Variants in KANK1 observed in about 807,000 individuals in gnomAD.
KANK1 encodes KN motif and ankyrin repeat domain-containing protein 1.
A neutral mutation model predicts 106.2 loss-of-function variants in KANK1; 109 were observed. The ratio of observed to expected loss-of-function variants is 1.03; its 90% confidence interval spans 0.88 to 1.20. The LOEUF is 1.20. Ranked by LOEUF, KANK1 falls within the 50% of genes most tolerant of loss-of-function variation. The probability of loss-of-function intolerance (pLI) is 0.00; values close to 1 mark genes in which losing one functional copy is unlikely to be tolerated. For missense variants in KANK1, 2,399 were observed against 1,710.7 expected (o/e 1.40, Z -7.10); for synonymous variants, 873 against 652.2 (o/e 1.34, Z -5.16).
chr9:726,756 T>C (rs1830772197), intron 3 of KANK1, among the ~76,000 whole-genome samples: 1 of 150,874 alleles, frequency 6.6e-6, no homozygotes, highest in Admixed American at 6.6e-5. Context: ...GGTCACAAGT[T>C]CAAGACCAGC....
At chr9:630,461 G>A (rs982556006) in intron 1 of KANK1, among the ~76,000 whole-genome samples, 8 of 152,018 alleles carry the variant, frequency 5.3e-5, no homozygotes, top group African/African-American at 1.9e-4. Context: ...TGAGGCGGGA[G>A]AATGGCGTAA....
chr9:534,301 T>C (rs1318106235), intron 1 of KANK1, among the ~76,000 whole-genome samples: 2 of 152,236 alleles, frequency 1.3e-5, no homozygotes, highest in Non-Finnish European at 2.9e-5. Context: ...AACTTGTTCT[T>C]TTTTTGAAAG....
intron 1 of KANK1, among the ~76,000 whole-genome samples, chr9:668,684 A>G (rs2138473189): frequency 6.6e-6 from 1 of 152,216 alleles, no homozygotes; most frequent in Non-Finnish European, 1.5e-5. Context: ...AAAACATCTT[A>G]TAGATAAAAC....
Position 739,771 on chromosome 9 carries a change from G to C in KANK1, c.3554-1021G>C, listed in dbSNP as rs566717994. Among the ~76,000 whole-genome samples the C allele has an allele frequency of 7.4e-4, 113 of 152,056 alleles. 2 individuals are homozygous for C. The South Asian group carries it at 0.023, about 30-fold the overall frequency. On this transcript the variant is annotated intron_variant, in intron 8 of 11. Transcript: ENST00000382297. ...GTTTGGGTTAATCACTTATCTTAAT[G>C]GTTACTGCTCCCCCTTCTAGGCTGA...
At chr9:744,975 G>A in intron 11 of KANK1, 198 bp from the exon 12 acceptor site, 6 of 1,479,598 alleles carry the variant, frequency 4.1e-6, no homozygotes, top group South Asian at 2.8e-5. Context: ...GACTTCCCAG[G>A]ACAGCCGGAC....
intron 1 of KANK1, among the ~76,000 whole-genome samples, chr9:601,037 A>G (rs908683558): frequency 2.0e-5 from 3 of 151,734 alleles, no homozygotes; most frequent in African/African-American, 4.9e-5. Context: ...TAAAATGCCC[A>G]AAGAAAAGAA....
chr9:556,103 TG>T (rs1563763103), intron 1 of KANK1, among the ~76,000 whole-genome samples: 1 of 152,158 alleles, frequency 6.6e-6, no homozygotes, highest in African/African-American at 2.4e-5. Context: ...GGCTCTACCT[TG>T]GGGGGAAAAT....
At chr9:717,317 G>T (rs189314009) in intron 3 of KANK1, among the ~76,000 whole-genome samples, 1 of 152,172 alleles carries the variant, frequency 6.6e-6, no homozygotes, top group Non-Finnish European at 1.5e-5. Context: ...GAAATTAAAA[G>T]TTCAGAAGAG....
At chr9:582,330 T>A (rs568557563) in intron 1 of KANK1, among the ~76,000 whole-genome samples, 1 of 152,346 alleles carries the variant, frequency 6.6e-6, no homozygotes, top group African/African-American at 2.4e-5. Context: ...AAAACCCATT[T>A]GGAAACCTGT....
chr9:596,159 G>C (rs936788848), intron 1 of KANK1, among the ~76,000 whole-genome samples: 1 of 151,880 alleles, frequency 6.6e-6, no homozygotes, highest in African/African-American at 2.4e-5. Context: ...ATGAGGTCAG[G>C]TGTGAAATTT....
rs893960686 is a variant in KANK1, at chr9:603,503, T to G, written c.-83-73387T>G. Among the ~76,000 whole-genome samples, 3 of 151,892 alleles carry G rather than the reference T, an allele frequency of 2.0e-5. No individual in the cohort carries two copies. The South Asian group carries it at 6.2e-4, about 31-fold the overall frequency. On this transcript the variant is annotated intron_variant, in intron 1 of 11. Transcript: ENST00000382297. ...TTCTTGGTGCCTTTAGACCTAGTTATGCAGAGAGACATCACATTGACATTC... is the reference window on the plus strand; with the variant it reads ...TTCTTGGTGCCTTTAGACCTAGTTAGGCAGAGAGACATCACATTGACATTC...
intron 1 of KANK1, among the ~76,000 whole-genome samples, chr9:581,452 C>G (rs1822130086): frequency 6.6e-6 from 1 of 152,178 alleles, no homozygotes; most frequent in African/African-American, 2.4e-5. Context: ...CCATTTTGAT[C>G]CGTGATCCAC....
At chr9:513,362 G>A (rs2059118159) in intron 1 of KANK1, among the ~76,000 whole-genome samples, 1 of 152,180 alleles carries the variant, frequency 6.6e-6, no homozygotes, top group Non-Finnish European at 1.5e-5. Context: ...CATTACCAAA[G>A]CAATCAGTTA....
intron 1 of KANK1, among the ~76,000 whole-genome samples, chr9:621,978 G>C (rs1459227321): frequency 6.6e-6 from 1 of 152,132 alleles, no homozygotes; most frequent in Non-Finnish European, 1.5e-5. Context: ...AAGAGGAGAA[G>C]AAAAGATACT....
At chr9:672,782 G>A (rs1224080765) in intron 1 of KANK1, among the ~76,000 whole-genome samples, 3 of 152,142 alleles carry the variant, frequency 2.0e-5, no homozygotes, top group Admixed American at 6.5e-5. Flanking sequence ...CTTACTTGGC[G>A]ATCTACTAAA....
intron 3 of KANK1, among the ~76,000 whole-genome samples, chr9:718,351 C>G (rs917474626): frequency 7.6e-6 from 1 of 131,762 alleles, no homozygotes; most frequent in Non-Finnish European, 1.6e-5. Flanking sequence ...CTCACTCTGT[C>G]ACCCAGGCTA....
rs116478714 is a variant in KANK1, at chr9:743,736, C to G, written c.3898-755C>G. Reference sequence around the variant, plus strand: ...AATTATCTAGGTGTGGTGGTATGCACCTGTAGTCTCAGATACCGTGGTGGT... The same window carrying G: ...AATTATCTAGGTGTGGTGGTATGCAGCTGTAGTCTCAGATACCGTGGTGGT... On this transcript the variant is annotated intron_variant, in intron 10 of 11. Transcript: ENST00000382297. Among the ~76,000 whole-genome samples the G allele has an allele frequency of 4.6e-3, 702 of 152,240 alleles. 4 individuals are homozygous for G. Among genetic ancestry groups the G allele is most frequent in the African/African-American group, 0.016 (655 of 41,536 alleles).
intron 9 of KANK1, 31 bp from the exon 10 acceptor site, chr9:742,174 C>G (rs1327830759): frequency 5.0e-6 from 8 of 1,603,832 alleles, no homozygotes; most frequent in Non-Finnish European, 6.0e-6. Context: ...TCAGTACGTA[C>G]TTCTGAAGTC....
intron 1 of KANK1, among the ~76,000 whole-genome samples, chr9:662,285 C>G (rs1200159477): frequency 2.0e-5 from 3 of 152,180 alleles, no homozygotes; most frequent in Non-Finnish European, 2.9e-5. Flanking sequence ...CCATCCCCAT[C>G]AAGCTACCAA....
Sources: gnomAD v4.1 joint callset for allele counts (sites outside exome capture counted in the v4.1 genomes callset) on GRCh38, gnomAD v4.1.1 for gene constraint, MANE v1.5 for transcripts, NCBI Gene and HGNC (gene_info 2026-07-23, HGNC 2026-07-21) for gene names.